MGAT4C: variants seen among roughly 807,000 people sequenced by gnomAD.
MGAT4C encodes the protein alpha-1,3-mannosyl-glycoprotein 4-beta-N-acetylglucosaminyltransferase C.
Under a neutral mutation model 40.1 loss-of-function variants are expected in MGAT4C, and 19 were observed. That is an observed-to-expected ratio of 0.47 (90% confidence interval 0.33 to 0.70). MGAT4C has a LOEUF of 0.70. MGAT4C is among the 30% of genes least tolerant of loss of function. The pLI is 0.02. For synonymous variants in MGAT4C, 181 were observed against 187.1 expected (o/e 0.97, Z 0.27); for missense variants, 491 against 563.2 (o/e 0.87, Z 1.30).
chr12:86,651,511 C>T (rs543167115), intron 2 of MGAT4C, among the ~76,000 whole-genome samples: 1 of 151,652 alleles, frequency 6.6e-6, no homozygotes. Flanking sequence ...TTTTAATTGG[C>T]AATCTAGAAT....
Position 86,145,532 on chromosome 12 carries a change from G to A in MGAT4C, c.-56-95809C>T, listed in dbSNP as rs1883400545. Among the ~76,000 whole-genome samples, 3 of 152,106 alleles carry A rather than the reference G, an allele frequency of 2.0e-5. No individual in the cohort carries two copies. In the South Asian group the frequency reaches 6.2e-4, roughly 31 times the overall value. On this transcript the variant is annotated intron_variant, in intron 1 of 4. Coordinates refer to ENST00000611864, the MANE Select transcript of MGAT4C (RefSeq NM_001351288.2). ...AGACCTAATTATATTTTTATGTTGT[G>A]AAAACATCCATGTGCCTGAGATAAT...
At chr12:86,462,455 G>C (rs951303892) in intron 2 of MGAT4C, among the ~76,000 whole-genome samples, 1 of 152,114 alleles carries the variant, frequency 6.6e-6, no homozygotes, top group East Asian at 1.9e-4. Flanking sequence ...CACATGGAAC[G>C]TTTGAAACAC....
intron 2 of MGAT4C, among the ~76,000 whole-genome samples, chr12:86,497,915 T>TATATATAC (rs1200308012): frequency 7.1e-5 from 10 of 141,836 alleles, no homozygotes; most frequent in African/African-American, 1.0e-4. Flanking sequence ...TATATATATA[T>TATATATAC]ACGCACACAC....
intron 2 of MGAT4C, among the ~76,000 whole-genome samples, chr12:86,544,838 G>A (rs1959184894): frequency 6.6e-6 from 1 of 151,698 alleles, no homozygotes; most frequent in African/African-American, 2.4e-5. Flanking sequence ...TGTAGTCAGG[G>A]AACTAAACTG....
chr12:86,697,548 A>G lies in MGAT4C; in HGVS notation c.-229+29661T>C, dbSNP rs1055801104. On this transcript the variant is annotated intron_variant, in intron 2 of 7. Transcript: ENST00000548651. ...GGTGTTACACAAAATGTAATCACCC[A>G]AAGGGTCTCCCACTCACTCTTACCC... is the stretch of plus-strand genomic sequence containing the variant. Among the ~76,000 whole-genome samples the G allele has an allele frequency of 4.6e-5, 7 of 152,112 alleles. 1 individual carries two copies. The South Asian group carries it at 1.2e-3, about 27-fold the overall frequency.
At chr12:86,184,357 C>A (rs1260678524) in intron 1 of MGAT4C, among the ~76,000 whole-genome samples, 1 of 148,710 alleles carries the variant, frequency 6.7e-6, no homozygotes, top group African/African-American at 2.5e-5. Flanking sequence ...GCCTGGGTGA[C>A]TAAGTGAGAC....
chr12:86,362,665 C>A (rs1955502860), intron 3 of MGAT4C, among the ~76,000 whole-genome samples: 1 of 151,586 alleles, frequency 6.6e-6, no homozygotes, highest in Non-Finnish European at 1.5e-5. Context: ...AGATCGAGAC[C>A]ATCCTCGCTA....
In MGAT4C at chr12:86,105,748, C is replaced by A. The variant is rs548785847; in HGVS notation, c.-56-56025G>T. On this transcript the variant is annotated intron_variant, in intron 1 of 4. Transcript: ENST00000611864. The stretch of plus-strand genomic sequence containing the variant: ...TGAGTAAATTTTTATAGATTATTTG[C>A]CATATAAAGTAATATATTTCTACTC... Among the ~76,000 whole-genome samples, 31 of 152,164 alleles carry A rather than the reference C, an allele frequency of 2.0e-4. No homozygotes were observed. The South Asian group carries it at 5.0e-3, about 24-fold the overall frequency.
intron 3 of MGAT4C, among the ~76,000 whole-genome samples, chr12:86,401,626 T>C (rs542571450): frequency 6.6e-6 from 1 of 152,180 alleles, no homozygotes; most frequent in Non-Finnish European, 1.5e-5. Context: ...GTTTTCAGTT[T>C]TTGGTTCTGA....
chr12:86,005,978 A>C (rs1157749243), intron 2 of MGAT4C, among the ~76,000 whole-genome samples: 1 of 152,158 alleles, frequency 6.6e-6, no homozygotes, highest in Non-Finnish European at 1.5e-5. Context: ...GCTTTTTTCC[A>C]GTATCCGTCT....
intron 1 of MGAT4C, among the ~76,000 whole-genome samples, chr12:86,768,552 A>T (rs1420018286): frequency 6.6e-6 from 1 of 151,752 alleles, no homozygotes; most frequent in Non-Finnish European, 1.5e-5. Context: ...AAGAGCCTGC[A>T]TCGCCAAGTC....
At chr12:86,587,790 A>G (rs937798997) in intron 2 of MGAT4C, among the ~76,000 whole-genome samples, 10 of 151,156 alleles carry the variant, frequency 6.6e-5, no homozygotes, top group African/African-American at 2.4e-4. Context: ...GTTTTTGTAC[A>G]TTGATTTTGT....
At chr12:86,057,064 TA>T (rs1382541157) in intron 1 of MGAT4C, among the ~76,000 whole-genome samples, 1 of 152,124 alleles carries the variant, frequency 6.6e-6, no homozygotes, top group African/African-American at 2.4e-5. Flanking sequence ...GTTGAACTTA[TA>T]TTAATTTTAT....
intron 2 of MGAT4C, among the ~76,000 whole-genome samples, chr12:86,686,284 C>T (rs578012377): frequency 6.6e-6 from 1 of 152,136 alleles, no homozygotes; most frequent in Non-Finnish European, 1.5e-5. Context: ...TTTCTGCAAA[C>T]AGAGACAGTT....
intron 2 of MGAT4C, among the ~76,000 whole-genome samples, chr12:86,015,232 T>TAAAAA (rs1888963672): frequency 5.3e-5 from 8 of 150,068 alleles, no homozygotes; most frequent in South Asian, 4.3e-4. Flanking sequence ...TTGCGGTTTT[T>TAAAAA]CCGCAATTAC....
chr12:86,763,783 T>TACC (rs1241791061), intron 1 of MGAT4C, among the ~76,000 whole-genome samples: 10 of 152,296 alleles, frequency 6.6e-5, no homozygotes, highest in African/African-American at 2.4e-4. Context: ...AGTTGTTCTA[T>TACC]AATTGGTAGT....
At chr12:86,735,928 T>A (rs572138610) in intron 1 of MGAT4C, among the ~76,000 whole-genome samples, 3 of 151,964 alleles carry the variant, frequency 2.0e-5, no homozygotes, top group East Asian at 1.9e-4. Flanking sequence ...ACTTTATATG[T>A]TTTTACCCAA....
intron 2 of MGAT4C, among the ~76,000 whole-genome samples, chr12:86,615,659 C>A (rs561444746): frequency 3.3e-5 from 5 of 152,118 alleles, no homozygotes; most frequent in African/African-American, 1.2e-4. Flanking sequence ...AAAATGCATT[C>A]CAAAGAACGC....
At chr12:86,211,436 A>AG (rs1950461165) in intron 1 of MGAT4C, among the ~76,000 whole-genome samples, 1 of 143,680 alleles carries the variant, frequency 7.0e-6, no homozygotes, top group Non-Finnish European at 1.5e-5. Flanking sequence ...AAAAAAAAAA[A>AG]ATTAGCCGGG....
Sources: allele counts gnomAD v4.1 joint callset (sites outside exome capture counted in the v4.1 genomes callset), GRCh38; gene constraint gnomAD v4.1.1; transcripts MANE v1.5; gene names NCBI Gene and HGNC (gene_info 2026-07-23, HGNC 2026-07-21).